Variants in CNTN3 observed in about 807,000 individuals in gnomAD.
CNTN3 encodes the protein contactin 3.
Under a neutral mutation model 119.1 loss-of-function variants are expected in CNTN3, and 60 were observed. That is an observed-to-expected ratio of 0.50 (90% CI 0.41 to 0.62). CNTN3 has a LOEUF of 0.62. Ranked by LOEUF, CNTN3 falls within the 20% of genes least tolerant of loss-of-function variation. The pLI is 0.00. For missense variants in CNTN3, 1,101 were observed against 1,242.4 expected, an observed-to-expected ratio of 0.89 and a Z score of 1.71; for synonymous variants, 450 against 438.7, an observed-to-expected ratio of 1.03 and a Z score of -0.32.
rs746683819 is a variant in CNTN3, at chr3:74,614,462, GCCA to G, written c.-155_-153del. Reference sequence around the variant, plus strand: ...CGCCGCCGCCGCCGCCGCCGCCGCCGCCACCGCCGCCGCCGCAGTTAGTCCGGG... The same window carrying G: ...CGCCGCCGCCGCCGCCGCCGCCGCCGCCGCCGCCGCCGCAGTTAGTCCGGG... On this transcript the variant is annotated 5_prime_UTR_variant, in exon 1 of 23. Transcript: ENST00000263665. Among the ~76,000 whole-genome samples, 7,935 of 143,206 alleles carry G rather than the reference GCCA, an allele frequency of 0.055. 265 individuals carry two copies. Among genetic ancestry groups the G allele is most frequent in the Non-Finnish European group, 0.075 (4,888 of 65,430 alleles). The allele number at this position is 143,206 out of a possible 152,430, so 93.9% of individuals were successfully genotyped here.
intron 6 of CNTN3, 48 bp from the exon 7 acceptor site, chr3:74,370,039 A>G: frequency 9.6e-7 from 1 of 1,045,418 alleles, no homozygotes; most frequent in Non-Finnish European, 1.4e-6. Flanking sequence ...TTCCTTTAGA[A>G]TTGCCTCGTT....
intron 1 of CNTN3, among the ~76,000 whole-genome samples, chr3:74,553,779 G>A (rs2107164313): frequency 6.6e-6 from 1 of 151,942 alleles, no homozygotes; most frequent in East Asian, 1.9e-4. Flanking sequence ...TTTTTTTCTT[G>A]TAAATTTTTT....
intron 4 of CNTN3, among the ~76,000 whole-genome samples, chr3:74,452,970 A>C (rs1013491678): frequency 1.1e-4 from 17 of 151,194 alleles, no homozygotes; most frequent in African/African-American, 3.6e-4. Flanking sequence ...TATTGGTCTA[A>C]AATTCTCTTT....
chr3:74,569,566 T>G (rs1272091092), intron 1 of CNTN3, among the ~76,000 whole-genome samples: 1 of 152,202 alleles, frequency 6.6e-6, no homozygotes, highest in East Asian at 1.9e-4. Context: ...AGAGATACAC[T>G]GAATAATAAA....
intron 2 of CNTN3, among the ~76,000 whole-genome samples, chr3:74,508,267 C>T (rs1703300822): frequency 6.6e-6 from 1 of 152,140 alleles, no homozygotes; most frequent in South Asian, 2.1e-4. Context: ...AAATGCCTTG[C>T]TGCTTCTTTG....
intron 5 of CNTN3, among the ~76,000 whole-genome samples, chr3:74,409,090 G>A (rs1239614334): frequency 6.6e-6 from 1 of 152,132 alleles, no homozygotes; most frequent in Non-Finnish European, 1.5e-5. Context: ...TCTTACCATG[G>A]TCTTGGGTCA....
rs1420541774 is a variant in CNTN3, at chr3:74,521,077, T to C, written c.36A>G (p.Ser12=). The change falls in exon 2 of 23, where the codon TCA becomes TCG. Residue 12 remains serine, a synonymous_variant. Coordinates refer to ENST00000263665, the MANE Select transcript of CNTN3 (RefSeq NM_020872.3). The stretch of plus-strand genomic sequence containing the variant: ...TTTTACCTCCTAAGCAGCCAATGAA[T>C]GAAAGCAGGATCAACTGTTTCCATG... The part of the protein sequence containing the change: ...MFPWKQLILL[S]FIGCLGGELL... 4 of 1,601,374 alleles carry C rather than the reference T, an allele frequency of 2.5e-6. No homozygotes were observed. The highest frequency in any genetic ancestry group is 1.7e-4 in the Middle Eastern group (1 of 6,026).
At chr3:74,538,456 G>A (rs1473327905) in intron 1 of CNTN3, among the ~76,000 whole-genome samples, 1 of 152,018 alleles carries the variant, frequency 6.6e-6, no homozygotes, top group African/African-American at 2.4e-5. Flanking sequence ...ATTATTTGCA[G>A]GGTCAGAGAT....
intron 1 of CNTN3, among the ~76,000 whole-genome samples, chr3:74,569,714 G>A (rs913771222): frequency 1.2e-4 from 18 of 152,086 alleles, no homozygotes; most frequent in Non-Finnish European, 2.5e-4. Context: ...ATTTTCACAC[G>A]GTTTGCATGA....
chr3:74,435,539 T>C (rs1471792974), intron 4 of CNTN3, among the ~76,000 whole-genome samples: 2 of 149,988 alleles, frequency 1.3e-5, no homozygotes, highest in Non-Finnish European at 2.9e-5. Context: ...CATATACTTG[T>C]TTGGCTTTTA....
chr3:74,269,604 G>A (rs1206555331), intron 20 of CNTN3, among the ~76,000 whole-genome samples: 6 of 152,072 alleles, frequency 3.9e-5, no homozygotes, highest in Non-Finnish European at 7.4e-5. Flanking sequence ...GTATAAGCAT[G>A]TTCATGACAG....
intron 11 of CNTN3, among the ~76,000 whole-genome samples, chr3:74,349,526 T>C (rs1348148795): frequency 6.6e-6 from 1 of 152,234 alleles, no homozygotes; most frequent in Non-Finnish European, 1.5e-5. Flanking sequence ...CTTCTTTCTC[T>C]TCTCCTTTCT....
At chr3:74,524,079 A>G (rs192616583) in intron 1 of CNTN3, among the ~76,000 whole-genome samples, 45 of 152,036 alleles carry the variant, frequency 3.0e-4, no homozygotes, top group African/African-American at 9.9e-4. Flanking sequence ...CCACCATGTG[A>G]AAATTGTTTC....
chr3:74,449,912 C>A (rs1327023643), intron 4 of CNTN3, among the ~76,000 whole-genome samples: 1 of 152,058 alleles, frequency 6.6e-6, no homozygotes, highest in Non-Finnish European at 1.5e-5. Flanking sequence ...GACCATAAGG[C>A]AATTTAATGA....
chr3:74,373,907 T>C (rs1704404410), intron 5 of CNTN3, among the ~76,000 whole-genome samples: 1 of 152,100 alleles, frequency 6.6e-6, no homozygotes, highest in African/African-American at 2.4e-5. Flanking sequence ...CAAATCAAGG[T>C]GCAGACTGGT....
chr3:74,412,923 C>A (rs1701461828), intron 5 of CNTN3, among the ~76,000 whole-genome samples: 1 of 152,026 alleles, frequency 6.6e-6, no homozygotes, highest in Non-Finnish European at 1.5e-5. Context: ...ATATGCAGAT[C>A]TCTGTCAAAT....
chr3:74,271,383 A>T (rs1701772939), intron 20 of CNTN3, among the ~76,000 whole-genome samples: 1 of 152,166 alleles, frequency 6.6e-6, no homozygotes, highest in Admixed American at 6.5e-5. Flanking sequence ...GAGTGATAGG[A>T]TTATGAGTGA....
intron 1 of CNTN3, among the ~76,000 whole-genome samples, chr3:74,577,458 G>A (rs1233201529): frequency 1.3e-5 from 2 of 152,056 alleles, no homozygotes; most frequent in East Asian, 3.9e-4. Flanking sequence ...GTACGTGTAT[G>A]TTACTGAAAT....
At chr3:74,351,978 G>T (rs551595) in intron 11 of CNTN3, among the ~76,000 whole-genome samples, 102,080 of 152,010 alleles carry the variant, frequency 0.67, 35,158 homozygotes, top group African/African-American at 0.81. Flanking sequence ...AGGAAGCTGT[G>T]CTCTACTCTC....
Sources: gnomAD v4.1 joint callset for allele counts (sites outside exome capture counted in the v4.1 genomes callset) on GRCh38, gnomAD v4.1.1 for gene constraint, MANE v1.5 for transcripts, NCBI Gene and HGNC (gene_info 2026-07-23, HGNC 2026-07-21) for gene names.